The following EXOC4 variants were observed in gnomAD, a reference collection of about 807,000 sequenced individuals.
The protein encoded by EXOC4 is SEC8-like 1.
A neutral mutation model predicts 107.2 loss-of-function variants in EXOC4; 71 were observed. That is an observed-to-expected ratio of 0.66 (90% CI 0.55 to 0.81). EXOC4 has a LOEUF of 0.81. Among genes scored for constraint, EXOC4 ranks in the 30% least tolerant of loss-of-function variants. The pLI is 0.00. For synonymous variants in EXOC4, 456 were observed against 441.2 expected (o/e 1.03, Z -0.42); for missense variants, 1,108 against 1,189.6 (o/e 0.93, Z 1.01).
chr7:133,411,906 T>C (rs972156232), intron 7 of EXOC4, among the ~76,000 whole-genome samples: 2 of 152,148 alleles, frequency 1.3e-5, no homozygotes, highest in African/African-American at 4.8e-5. Flanking sequence ...TTGTTTATAC[T>C]GAAATACTTG....
intron 10 of EXOC4, among the ~76,000 whole-genome samples, chr7:133,799,238 A>G (rs1796881029): frequency 6.6e-6 from 1 of 152,200 alleles, no homozygotes; most frequent in South Asian, 2.1e-4. Flanking sequence ...GTGAATAATT[A>G]TGTCACATAA....
intron 6 of EXOC4, among the ~76,000 whole-genome samples, chr7:133,373,897 A>G (rs1051895125): frequency 1.3e-5 from 2 of 152,242 alleles, no homozygotes; most frequent in Non-Finnish European, 2.9e-5. Flanking sequence ...TAAAGTATCT[A>G]TATATAAAGA....
At chr7:133,828,637 T>G (rs1263990132) in intron 11 of EXOC4, among the ~76,000 whole-genome samples, 1 of 152,136 alleles carries the variant, frequency 6.6e-6, no homozygotes, top group Non-Finnish European at 1.5e-5. Flanking sequence ...CCTGCCCTAC[T>G]CAAAAACTTG....
At chr7:134,002,478 T>G (rs1479303289) in intron 15 of EXOC4, among the ~76,000 whole-genome samples, 1 of 152,150 alleles carries the variant, frequency 6.6e-6, no homozygotes, top group Non-Finnish European at 1.5e-5. Context: ...TAAATTGAAC[T>G]TCATCAAAAT....
intron 9 of EXOC4, chr7:133,551,652 GATATAGTGCCAAAGCATATGGATCTCC>G (rs1232446657): frequency 2.6e-5 from 4 of 152,126 alleles, no homozygotes; most frequent in Non-Finnish European, 5.9e-5. Context: ...GTCACATGCT[GATATAGTGCCAAAGCATATGGATCTCC>G]ATATGGTGCT....
chr7:133,465,470 C>T (rs1396188166), intron 7 of EXOC4, among the ~76,000 whole-genome samples: 1 of 152,046 alleles, frequency 6.6e-6, no homozygotes, highest in Non-Finnish European at 1.5e-5. Flanking sequence ...ATAATGAATA[C>T]CCTTTTTTGA....
chr7:133,908,454 A>G (rs958642302), intron 12 of EXOC4, among the ~76,000 whole-genome samples: 2 of 152,256 alleles, frequency 1.3e-5, no homozygotes, highest in Non-Finnish European at 2.9e-5. Context: ...AGGAAATAGG[A>G]AACCTGAAAA....
Position 133,817,507 on chromosome 7 carries a change from C to G in EXOC4, c.1697C>G (p.Thr566Ser). The change falls in exon 11 of 18, where the codon ACC becomes AGC. Residue 566 changes from threonine (T) to serine (S), a missense_variant. Transcript: ENST00000253861. Reference protein sequence around the residue: ...DPLKILANADTMKVLGVQRPL... With the variant: ...DPLKILANADSMKVLGVQRPL... ...TTGAAGATTCTGGCCAACGCAGACA[C>G]CATGAAGGTGCTGGGAGTGCAGCGG... is the stretch of plus-strand genomic sequence containing the variant. 1 of 1,614,084 alleles carries G rather than the reference C, an allele frequency of 6.2e-7. No homozygotes were observed. The highest frequency in any genetic ancestry group is 8.5e-7 in the Non-Finnish European group (1 of 1,179,982).
intron 11 of EXOC4, among the ~76,000 whole-genome samples, chr7:133,880,372 C>A (rs752618833): frequency 6.6e-6 from 1 of 152,104 alleles, no homozygotes; most frequent in Non-Finnish European, 1.5e-5. Context: ...TGAATAACAG[C>A]CTTAAGGTGC....
intron 9 of EXOC4, among the ~76,000 whole-genome samples, chr7:133,494,470 A>G (rs1799434908): frequency 6.6e-6 from 1 of 152,268 alleles, no homozygotes; most frequent in Non-Finnish European, 1.5e-5. Flanking sequence ...AAGGCAATTG[A>G]TGGGATGAAT....
intron 11 of EXOC4, among the ~76,000 whole-genome samples, chr7:133,829,623 A>G (rs1161551477): frequency 2.0e-5 from 3 of 152,196 alleles, no homozygotes; most frequent in Non-Finnish European, 4.4e-5. Flanking sequence ...TCTCGGATAA[A>G]TATTGCACTT....
intron 3 of EXOC4, among the ~76,000 whole-genome samples, chr7:133,295,472 A>G (rs186734545): frequency 1.1e-4 from 16 of 152,308 alleles, no homozygotes; most frequent in Non-Finnish European, 2.1e-4. Context: ...AAAGTATCCA[A>G]GATGAGCTTG....
At chr7:133,520,875 C>G (rs570727353) in intron 9 of EXOC4, among the ~76,000 whole-genome samples, 1 of 152,172 alleles carries the variant, frequency 6.6e-6, no homozygotes, top group East Asian at 1.9e-4. Context: ...ATGCCTTTCC[C>G]TGTTTTGCTA....
At chr7:133,431,091 T>TG (rs1376340682) in intron 7 of EXOC4, among the ~76,000 whole-genome samples, 2 of 152,210 alleles carry the variant, frequency 1.3e-5, no homozygotes, top group Non-Finnish European at 1.5e-5. Flanking sequence ...TAAAGGTCAC[T>TG]AAGGGATTTA....
chr7:133,905,237 A>G (rs1799540552), intron 12 of EXOC4, among the ~76,000 whole-genome samples: 1 of 152,204 alleles, frequency 6.6e-6, no homozygotes, highest in Non-Finnish European at 1.5e-5. Context: ...CTGGGAGCTT[A>G]GAGATCTGAG....
intron 10 of EXOC4, among the ~76,000 whole-genome samples, chr7:133,795,732 T>A (rs1382458673): frequency 6.6e-6 from 1 of 152,232 alleles, no homozygotes; most frequent in East Asian, 1.9e-4. Context: ...GTGGAACTTA[T>A]GTGACAAAGT....
At chr7:133,288,220 A>G (rs1794325705) in intron 2 of EXOC4, among the ~76,000 whole-genome samples, 1 of 152,194 alleles carries the variant, frequency 6.6e-6, no homozygotes, top group Admixed American at 6.5e-5. Context: ...ACTTATTCCT[A>G]TCACATGCAT....
intron 10 of EXOC4, among the ~76,000 whole-genome samples, chr7:133,708,616 TTC>T (rs1794818948): frequency 1.3e-5 from 2 of 152,212 alleles, no homozygotes; most frequent in Non-Finnish European, 2.9e-5. Flanking sequence ...TTCCCGTTCA[TTC>T]TCTCATTTAA....
chr7:134,006,689 C>G (rs1436765346), intron 16 of EXOC4, among the ~76,000 whole-genome samples: 1 of 152,122 alleles, frequency 6.6e-6, no homozygotes, highest in Admixed American at 6.5e-5. Context: ...CAACCAATAG[C>G]AAATGGCTTG....
Sources: allele counts gnomAD v4.1 joint callset (sites outside exome capture counted in the v4.1 genomes callset), GRCh38; gene constraint gnomAD v4.1.1; transcripts MANE v1.5; gene names NCBI Gene and HGNC (gene_info 2026-07-23, HGNC 2026-07-21).